The following NRXN1 variants were observed in gnomAD, a reference collection of about 807,000 sequenced individuals.
The protein encoded by NRXN1 is neurexin 1, also known as neurexin-1.
In NRXN1, 39 loss-of-function variants were observed where a neutral mutation model predicts 150.9. The ratio of observed to expected loss-of-function variants is 0.26; its 90% CI spans 0.20 to 0.34. NRXN1 has a LOEUF of 0.34. Ranked by LOEUF, NRXN1 falls within the 10% of genes least tolerant of loss-of-function variation. NRXN1 has a pLI of 1.00. For missense variants in NRXN1, 1,815 were observed against 1,949.9 expected (o/e 0.93, Z 1.30); for synonymous variants, 924 against 757.0 (o/e 1.22, Z -3.62).
intron 18 of NRXN1, among the ~76,000 whole-genome samples, chr2:50,191,561 T>C (rs1311219276): frequency 6.6e-6 from 1 of 152,128 alleles, no homozygotes; most frequent in Non-Finnish European, 1.5e-5. Context: ...TCTTGCTACC[T>C]CTCTTTGGCT....
intron 21 of NRXN1, among the ~76,000 whole-genome samples, chr2:49,952,348 G>T (rs1365137419): frequency 5.3e-5 from 8 of 151,970 alleles, no homozygotes; most frequent in Admixed American, 5.3e-4. Context: ...CACACAGACA[G>T]GAGGTGCATA....
chr2:50,057,065 T>C (rs1476831165), intron 19 of NRXN1, among the ~76,000 whole-genome samples: 5 of 152,178 alleles, frequency 3.3e-5, no homozygotes, highest in African/African-American at 1.2e-4. Flanking sequence ...CTGTGATTAA[T>C]CACACCCATT....
intron 5 of NRXN1, among the ~76,000 whole-genome samples, chr2:50,882,138 T>A (rs1350854341): frequency 6.6e-6 from 1 of 151,924 alleles, no homozygotes; most frequent in African/African-American, 2.4e-5. Context: ...TTTATGAATT[T>A]CTAAAGACTG....
intron 5 of NRXN1, among the ~76,000 whole-genome samples, chr2:50,798,508 C>G (rs1021689227): frequency 1.3e-5 from 2 of 152,090 alleles, no homozygotes; most frequent in Admixed American, 6.6e-5. Context: ...TCCATGGACC[C>G]TTAAAATTCT....
chr2:50,600,316 ACTAG>A (rs1205565612), intron 8 of NRXN1, among the ~76,000 whole-genome samples: 2 of 148,642 alleles, frequency 1.3e-5, no homozygotes, highest in Non-Finnish European at 3.0e-5. Flanking sequence ...AGTAGTTAAG[ACTAG>A]CTTTTTTTTT....
At chr2:50,210,096 A>C (rs1390085473) in intron 18 of NRXN1, among the ~76,000 whole-genome samples, 2 of 151,998 alleles carry the variant, frequency 1.3e-5, no homozygotes, top group Non-Finnish European at 2.9e-5. Flanking sequence ...AAGAAAATCA[A>C]AACAGAATTG....
Position 50,683,631 on chromosome 2 carries a change from C to CAAAAAAAAAAAAAAAAAAAAAAAA in NRXN1, c.833-60017_833-60016insTTTTTTTTTTTTTTTTTTTTTTTT, listed in dbSNP as rs745831100. On this transcript the variant is annotated intron_variant, in intron 5 of 22. Coordinates refer to ENST00000401669, the MANE Select transcript of NRXN1 (RefSeq NM_001330078.2). The stretch of plus-strand genomic sequence containing the variant: ...TGGGTGACAGAGCAAGACTCCGTCT[C>CAAAAAAAAAAAAAAAAAAAAAAAA]AAAAAAAAAAAAAAAATATATATAT... 2.3e-4 allele frequency among the ~76,000 whole-genome samples: 2 copies of CAAAAAAAAAAAAAAAAAAAAAAAA among 8,532 alleles called. 1 individual carries two copies. The highest frequency in any genetic ancestry group is 2.1e-3 in the African/African-American group (2 of 936). 5.6% of individuals were successfully genotyped at this position (8,532 alleles called of 152,430 possible).
chr2:50,464,744 T>C (rs2088631166), intron 17 of NRXN1, among the ~76,000 whole-genome samples: 1 of 151,932 alleles, frequency 6.6e-6, no homozygotes, highest in Non-Finnish European at 1.5e-5. Flanking sequence ...TGATGTGCTG[T>C]AAATCAGGAC....
intron 8 of NRXN1, among the ~76,000 whole-genome samples, chr2:50,611,412 T>G (rs546427513): frequency 6.6e-6 from 1 of 152,250 alleles, no homozygotes; most frequent in African/African-American, 2.4e-5. Flanking sequence ...AAAGATTCTA[T>G]GTTTGAAAAG....
intron 12 of NRXN1, among the ~76,000 whole-genome samples, chr2:50,521,792 T>A (rs2092795356): frequency 6.6e-6 from 1 of 152,092 alleles, no homozygotes; most frequent in Non-Finnish European, 1.5e-5. Flanking sequence ...GGAGAGTGTA[T>A]CATGTGGCCT....
chr2:50,844,138 G>C (rs1237681769), intron 5 of NRXN1, among the ~76,000 whole-genome samples: 1 of 152,114 alleles, frequency 6.6e-6, no homozygotes, highest in Non-Finnish European at 1.5e-5. Flanking sequence ...AGTCTTGCAA[G>C]ATCGGGTGTC....
At chr2:50,257,538 C>A (rs753531522) in intron 17 of NRXN1, among the ~76,000 whole-genome samples, 1 of 152,082 alleles carries the variant, frequency 6.6e-6, no homozygotes, top group Middle Eastern at 3.4e-3. Flanking sequence ...TCTCAAGGGC[C>A]TAGGAGTCAT....
chr2:50,750,541 T>A (rs976694817), intron 5 of NRXN1, among the ~76,000 whole-genome samples: 1 of 152,010 alleles, frequency 6.6e-6, no homozygotes, highest in South Asian at 2.1e-4. Flanking sequence ...TGTATACATA[T>A]GTAACAAACC....
chr2:50,674,314 C>T (rs1689263760), intron 5 of NRXN1, among the ~76,000 whole-genome samples: 1 of 152,078 alleles, frequency 6.6e-6, no homozygotes, highest in African/African-American at 2.4e-5. Flanking sequence ...CAAACAAAAA[C>T]TCCAAGTAGT....
chr2:50,789,435 G>C (rs979737084), intron 5 of NRXN1, among the ~76,000 whole-genome samples: 1 of 152,116 alleles, frequency 6.6e-6, no homozygotes, highest in South Asian at 2.1e-4. Flanking sequence ...TAACTCCTAC[G>C]TCTTTCATCT....
intron 8 of NRXN1, chr2:50,615,528 A>T (rs1202193244): frequency 6.6e-6 from 1 of 152,264 alleles, no homozygotes; most frequent in East Asian, 1.9e-4. Flanking sequence ...ACAGGTTCTG[A>T]GGGGGAGATT....
intron 17 of NRXN1, among the ~76,000 whole-genome samples, chr2:50,261,666 T>G (rs2068298096): frequency 1.3e-5 from 2 of 151,864 alleles, no homozygotes; most frequent in African/African-American, 4.8e-5. Flanking sequence ...ATAGATTCCT[T>G]TAATTTTGAA....
intron 5 of NRXN1, among the ~76,000 whole-genome samples, chr2:50,898,958 T>C (rs1447683556): frequency 6.6e-6 from 1 of 151,620 alleles, no homozygotes; most frequent in Non-Finnish European, 1.5e-5. Flanking sequence ...TAAAAATTAT[T>C]TCCTAATATA....
intron 21 of NRXN1, among the ~76,000 whole-genome samples, chr2:50,049,891 G>C (rs531740838): frequency 7.8e-4 from 118 of 152,152 alleles, no homozygotes; most frequent in African/African-American, 2.7e-3. Context: ...TTTGCTTTCT[G>C]AGATTAGCCT....
Sources: allele counts gnomAD v4.1 joint callset (sites outside exome capture counted in the v4.1 genomes callset), GRCh38; gene constraint gnomAD v4.1.1; transcripts MANE v1.5; gene names NCBI Gene and HGNC (gene_info 2026-07-23, HGNC 2026-07-21).